Variants in SLC39A10 observed in about 807,000 individuals in gnomAD.
SLC39A10 encodes the protein zinc transporter ZIP10.
SLC39A10 carries 13 observed loss-of-function variants against 65.1 expected under a neutral mutation model. The observed-to-expected ratio is 0.20, with a 90% CI of 0.13 to 0.32. The LOEUF is 0.32. SLC39A10 is among the 10% of genes least tolerant of loss of function. The pLI, the probability that SLC39A10 is intolerant of heterozygous loss-of-function variation, is 1.00. For synonymous variants in SLC39A10, 321 were observed against 342.2 expected (o/e 0.94, Z 0.68); for missense variants, 831 against 1,018.4 (o/e 0.82, Z 2.50).
At chr2:195,733,151 G>A (rs1039806271) in intron 9 of SLC39A10, among the ~76,000 whole-genome samples, 1 of 152,176 alleles carries the variant, frequency 6.6e-6, no homozygotes, top group African/African-American at 2.4e-5. Context: ...TAGACAGGAA[G>A]AAGTATGAAT....
chr2:195,731,950 C>T (rs1246967023), intron 9 of SLC39A10, among the ~76,000 whole-genome samples: 2 of 152,168 alleles, frequency 1.3e-5, no homozygotes, highest in African/African-American at 4.8e-5. Context: ...CTACGTGGTT[C>T]TTTGCAGTAG....
At position 195,680,776 on chromosome 2, in the gene SLC39A10, A is replaced by G; in HGVS notation, c.734A>G (p.Glu245Gly). ...GGGAGGAAAAGTAATGAAAATTCTG[A>G]GGTTATTACACCAGGTTTTCCCCCT... The part of the protein sequence containing the change: ...KKGRKSNENS[E>G]VITPGFPPNH... Residue 245 changes from glutamate to glycine, a missense_variant, in exon 2 of 10, where the codon GAG becomes GGG. Coordinates refer to ENST00000359634, the MANE Select transcript of SLC39A10 (RefSeq NM_020342.3). 6.2e-7 allele frequency: 1 copy of G among 1,614,174 alleles called. No individual in the cohort carries two copies. The highest frequency in any genetic ancestry group is 1.7e-5 in the Admixed American group (1 of 60,018).
chr2:195,639,678 G>C (rs1688765456), intron 2 of SLC39A10, among the ~76,000 whole-genome samples: 1 of 152,080 alleles, frequency 6.6e-6, no homozygotes, highest in South Asian at 2.1e-4. Flanking sequence ...TCACCTCCTG[G>C]GTTCCAGCAA....
intron 2 of SLC39A10, among the ~76,000 whole-genome samples, chr2:195,629,248 G>A (rs1688534004): frequency 6.6e-6 from 1 of 152,006 alleles, no homozygotes; most frequent in African/African-American, 2.4e-5. Flanking sequence ...ACACAAATTA[G>A]CCAGATGTGG....
intron 8 of SLC39A10, among the ~76,000 whole-genome samples, chr2:195,719,129 C>T (rs1691924219): frequency 6.7e-6 from 1 of 149,650 alleles, no homozygotes; most frequent in South Asian, 2.1e-4. Flanking sequence ...TTATGTTGGA[C>T]TTCATTCTTT....
intron 1 of SLC39A10, among the ~76,000 whole-genome samples, chr2:195,677,551 A>T (rs1421674008): frequency 1.7e-5 from 2 of 115,192 alleles, no homozygotes; most frequent in South Asian, 2.8e-4. Flanking sequence ...AACAAAAAAA[A>T]ATCCACAAAG....
At chr2:195,678,249 A>G (rs1194271986) in intron 1 of SLC39A10, among the ~76,000 whole-genome samples, 3 of 152,188 alleles carry the variant, frequency 2.0e-5, no homozygotes, top group Non-Finnish European at 4.4e-5. Context: ...CACAAGTTCC[A>G]TTTAACTCTA....
upstream of SLC39A10, among the ~76,000 whole-genome samples, chr2:195,655,710 A>G (rs1689130850): frequency 6.6e-6 from 1 of 152,052 alleles, no homozygotes; most frequent in Non-Finnish European, 1.5e-5. Flanking sequence ...TTTTCTCCAC[A>G]CCTCAGGACT....
At position 195,683,800 on chromosome 2, in the gene SLC39A10, A is replaced by G. The variant is rs761903930; in HGVS notation, c.1110A>G (p.Gln370=). ...FTYLCPALLY[Q]IDSRLCIEHF... is the part of the protein sequence containing the mutation. The stretch of plus-strand genomic sequence containing the variant: ...ACCTTTGCCCTGCATTGTTATATCA[A>G]ATCGACAGCAGACTTTGTATTGAGC... The change falls in exon 3 of 10, where the codon CAA becomes CAG. Residue 370 remains glutamine (Q), a synonymous_variant. Transcript: ENST00000359634. 11 of 1,613,320 alleles carry G rather than the reference A, an allele frequency of 6.8e-6. No individual in the cohort carries two copies. The highest frequency in any genetic ancestry group is 3.3e-5 in the Admixed American group (2 of 59,994).
chr2:195,669,153 A>G (rs1191397966), intron 1 of SLC39A10, among the ~76,000 whole-genome samples: 1 of 151,290 alleles, frequency 6.6e-6, no homozygotes, highest in East Asian at 1.9e-4. Flanking sequence ...TTTATCTGCT[A>G]TTTTTCTTAC....
At chr2:195,641,297 T>C (rs1644316989) in intron 2 of SLC39A10, among the ~76,000 whole-genome samples, 1 of 152,106 alleles carries the variant, frequency 6.6e-6, no homozygotes, top group Admixed American at 6.5e-5. Context: ...GCCGAGGAGA[T>C]GAGGCACTTT....
chr2:195,721,071 A>G lies in SLC39A10; in HGVS notation c.2146+2739A>G, dbSNP rs141546201. ...ATCCTTCTACCTCAGCCTCCTGAGT[A>G]GCTGGGACTACAGGCGTGCACCACC... On this transcript the variant is annotated intron_variant, in intron 8 of 9. Transcript: ENST00000359634. Among the ~76,000 whole-genome samples the G allele has an allele frequency of 3.9e-3, 600 of 152,158 alleles. 1 individual carries two copies. The highest frequency in any genetic ancestry group is 0.013 in the African/African-American group (554 of 41,504).
intron 2 of SLC39A10, among the ~76,000 whole-genome samples, chr2:195,682,529 T>G (rs1423588542): frequency 6.6e-6 from 1 of 152,150 alleles, no homozygotes; most frequent in East Asian, 1.9e-4. Flanking sequence ...TCGCCTCAAG[T>G]AGTTCTCCAG....
At chr2:195,624,432 G>A (rs1574197362) in intron 2 of SLC39A10, among the ~76,000 whole-genome samples, 1 of 136,994 alleles carries the variant, frequency 7.3e-6, no homozygotes, top group African/African-American at 2.7e-5. Context: ...CTAAAAACAA[G>A]ACAAAAAAAT....
At chr2:195,622,992 A>G (rs1688382702) in intron 2 of SLC39A10, among the ~76,000 whole-genome samples, 2 of 146,874 alleles carry the variant, frequency 1.4e-5, no homozygotes, top group African/African-American at 5.0e-5. Context: ...AAAAAAAAAA[A>G]AAGAACCAAG....
At chr2:195,659,789 A>G (rs1689311152) in intron 1 of SLC39A10, among the ~76,000 whole-genome samples, 1 of 152,132 alleles carries the variant, frequency 6.6e-6, no homozygotes, top group African/African-American at 2.4e-5. Flanking sequence ...AGTTGATTTT[A>G]CCTTTTTTCT....
intron 3 of SLC39A10, among the ~76,000 whole-genome samples, chr2:195,706,376 C>T (rs535242748): frequency 1.9e-4 from 29 of 149,118 alleles, no homozygotes; most frequent in African/African-American, 5.4e-4. Context: ...GTTCTTATCT[C>T]GTGGGCCATT....
upstream of SLC39A10, among the ~76,000 whole-genome samples, chr2:195,655,672 C>G (rs1486471390): frequency 1.3e-5 from 2 of 152,202 alleles, no homozygotes; most frequent in African/African-American, 4.8e-5. Flanking sequence ...AATGGTGAGA[C>G]TTGAAACTAG....
chr2:195,695,214 A>G (rs1690901915), intron 3 of SLC39A10, among the ~76,000 whole-genome samples: 1 of 152,150 alleles, frequency 6.6e-6, no homozygotes, highest in Non-Finnish European at 1.5e-5. Flanking sequence ...GAGAAAGACC[A>G]CCAGGTTGGG....
Sources: gnomAD v4.1 joint callset for allele counts (sites outside exome capture counted in the v4.1 genomes callset) on GRCh38, gnomAD v4.1.1 for gene constraint, MANE v1.5 for transcripts, NCBI Gene and HGNC (gene_info 2026-07-23, HGNC 2026-07-21) for gene names.